SNX18: variants seen among roughly 807,000 people sequenced by gnomAD.
SNX18 encodes the protein sorting nexin 18, also known as sorting nexin-18.
Under a neutral mutation model 48.7 loss-of-function variants are expected in SNX18, and 35 were observed. The ratio of observed to expected loss-of-function variants is 0.72; its 90% CI spans 0.55 to 0.95. SNX18 has a LOEUF of 0.95. SNX18 is among the 40% of genes least tolerant of loss of function. SNX18 has a pLI of 0.00. For synonymous variants in SNX18, 492 were observed against 384.7 expected, an observed-to-expected ratio of 1.28 and a Z score of -3.26; for missense variants, 824 against 871.0, an observed-to-expected ratio of 0.95 and a Z score of 0.68.
In SNX18 at chr5:54,518,596, A is replaced by C; in HGVS notation, c.644A>C (p.His215Pro). 6.3e-7 allele frequency: 1 copy of C among 1,577,256 alleles called. No individual in the cohort carries two copies. Residue 215 changes from histidine to proline, a missense_variant, in exon 1 of 2, where the codon CAC (histidine) becomes CCC (proline). This residue lies in a region of SNX18 where 377 missense variants were observed against 350.6 expected (regional missense o/e 1.08). Coordinates refer to ENST00000381410, the MANE Select transcript of SNX18 (RefSeq NM_001102575.2). ...SRGGSVPPQH[H>P]PSGPKSSATV... ...GGCGGCTCGGTCCCCCCGCAGCACCACCCGTCGGGGCCCAAGAGCTCGGCC... is the reference window on the plus strand; with the variant it reads ...GGCGGCTCGGTCCCCCCGCAGCACCCCCCGTCGGGGCCCAAGAGCTCGGCC...
At chr5:54,613,784 C>T in the SNX18 span, among the ~76,000 whole-genome samples, 50 of 152,158 alleles carry the variant, frequency 3.3e-4, 2 homozygotes, top group Middle Eastern at 3.4e-3. Context: ...CTGCAACCTC[C>T]GCCTCCTGGG....
the SNX18 span, among the ~76,000 whole-genome samples, chr5:54,598,972 T>C: frequency 6.6e-6 from 1 of 152,186 alleles, no homozygotes; most frequent in African/African-American, 2.4e-5. Flanking sequence ...TGATCCTATA[T>C]TTGGAAAACC....
intron 1 of SNX18, among the ~76,000 whole-genome samples, chr5:54,528,019 T>C (rs1161168477): frequency 4.6e-5 from 7 of 152,064 alleles, no homozygotes; most frequent in South Asian, 2.1e-4. Context: ...ACATAATTCA[T>C]TGGGGAGGGG....
intron 1 of SNX18, among the ~76,000 whole-genome samples, chr5:54,532,628 A>G (rs1335548762): frequency 6.6e-6 from 1 of 152,194 alleles, no homozygotes; most frequent in Non-Finnish European, 1.5e-5. Flanking sequence ...AGGCAAATCA[A>G]CATTGCCACC....
chr5:54,569,133 G>A, the SNX18 span, among the ~76,000 whole-genome samples: 5 of 151,616 alleles, frequency 3.3e-5, no homozygotes, highest in Non-Finnish European at 5.9e-5. Flanking sequence ...ATGAGCCACC[G>A]CGCCCAACCA....
the SNX18 span, among the ~76,000 whole-genome samples, chr5:54,596,849 T>C: frequency 6.6e-6 from 1 of 152,210 alleles, no homozygotes; most frequent in African/African-American, 2.4e-5. Flanking sequence ...ATTGGTTCCC[T>C]GGGCAGTGTG....
At chr5:54,593,215 A>G in the SNX18 span, among the ~76,000 whole-genome samples, 1 of 152,248 alleles carries the variant, frequency 6.6e-6, no homozygotes, top group Non-Finnish European at 1.5e-5. Flanking sequence ...TTTTAATTGT[A>G]GACATTTTAA....
the SNX18 span, among the ~76,000 whole-genome samples, chr5:54,597,036 C>T: frequency 1.3e-5 from 2 of 152,074 alleles, no homozygotes; most frequent in Non-Finnish European, 2.9e-5. Flanking sequence ...CACACATTGA[C>T]TCAAAATAAA....
the SNX18 span, among the ~76,000 whole-genome samples, chr5:54,577,462 G>A: frequency 6.6e-6 from 1 of 150,962 alleles, no homozygotes; most frequent in South Asian, 2.1e-4. Flanking sequence ...GGGAGACTGA[G>A]CAGAATCCTA....
the SNX18 span, among the ~76,000 whole-genome samples, chr5:54,558,903 G>C: frequency 2.0e-5 from 3 of 151,806 alleles, no homozygotes; most frequent in African/African-American, 7.3e-5. Flanking sequence ...TGAAGATTTG[G>C]AATAAGTAAA....
At chr5:54,645,066 G>A in the SNX18 span, 2 of 152,188 alleles carry the variant, frequency 1.3e-5, no homozygotes, top group Admixed American at 1.3e-4. Flanking sequence ...TAAAGTTTGG[G>A]AAGCACTGCT....
At chr5:54,592,162 C>T in the SNX18 span, among the ~76,000 whole-genome samples, 1 of 152,138 alleles carries the variant, frequency 6.6e-6, no homozygotes, top group African/African-American at 2.4e-5. Flanking sequence ...TCTTCATCTG[C>T]CCCTTTACTA....
the SNX18 span, among the ~76,000 whole-genome samples, chr5:54,587,092 C>T: frequency 1.3e-5 from 2 of 151,990 alleles, no homozygotes; most frequent in Non-Finnish European, 2.9e-5. Flanking sequence ...CAGATATTCC[C>T]CTGGGATATT....
At chr5:54,618,030 T>G in the SNX18 span, among the ~76,000 whole-genome samples, 1 of 152,156 alleles carries the variant, frequency 6.6e-6, no homozygotes, top group African/African-American at 2.4e-5. Flanking sequence ...AATCTCATCT[T>G]GAATTGTAGT....
chr5:54,517,809 C>T lies in SNX18; in HGVS notation c.-144C>T, dbSNP rs1379910924. ...TGCGAGCGGAGCCGCGCGGAGGGCGCGACCGGCTGGTCCGGGCAGCGTGGG... is the reference window on the plus strand; with the variant it reads ...TGCGAGCGGAGCCGCGCGGAGGGCGTGACCGGCTGGTCCGGGCAGCGTGGG... On this transcript the variant is annotated 5_prime_UTR_variant, in exon 1 of 2. Transcript: ENST00000381410. 25 of 815,424 alleles carry T rather than the reference C, an allele frequency of 3.1e-5. No individual in the cohort carries two copies. Among genetic ancestry groups the T allele is most frequent in the African/African-American group, 1.8e-5 (1 of 55,592 alleles). The allele number at this position is 815,424 out of a possible 1,614,324, so 50.5% of individuals were successfully genotyped here. A position where few individuals can be genotyped will look rare whatever the true frequency, so the allele number is the denominator to read the frequency against.
At chr5:54,622,130 T>A in the SNX18 span, among the ~76,000 whole-genome samples, 1 of 152,374 alleles carries the variant, frequency 6.6e-6, no homozygotes, top group East Asian at 1.9e-4. Flanking sequence ...TTTGTGAGAA[T>A]ATTTTGCTAT....
chr5:54,584,819 A>C, the SNX18 span, among the ~76,000 whole-genome samples: 1 of 152,144 alleles, frequency 6.6e-6, no homozygotes, highest in Non-Finnish European at 1.5e-5. Context: ...TTGGAAGAAG[A>C]CCAAACCTGG....
At chr5:54,625,888 G>A in the SNX18 span, among the ~76,000 whole-genome samples, 1 of 152,164 alleles carries the variant, frequency 6.6e-6, no homozygotes, top group Non-Finnish European at 1.5e-5. Flanking sequence ...TAAGCATGGA[G>A]CCTCAGTGGC....
At chr5:54,563,473 A>G in the SNX18 span, among the ~76,000 whole-genome samples, 1 of 152,226 alleles carries the variant, frequency 6.6e-6, no homozygotes, top group Non-Finnish European at 1.5e-5. Flanking sequence ...ACAGGTTTGT[A>G]GCCTAGGAGC....
Sources: gnomAD v4.1 joint callset for allele counts (sites outside exome capture counted in the v4.1 genomes callset) on GRCh38, gnomAD v4.1.1 for gene constraint, gnomAD v4.1.1 regional missense constraint, MANE v1.5 for transcripts, NCBI Gene and HGNC (gene_info 2026-07-23, HGNC 2026-07-21) for gene names.